The following TNKS variants were observed in gnomAD, a reference collection of about 807,000 sequenced individuals.
TNKS encodes the protein poly [ADP-ribose] polymerase tankyrase-1.
A neutral mutation model predicts 135.8 loss-of-function variants in TNKS; 72 were observed. That is an observed-to-expected ratio of 0.53 (90% CI 0.44 to 0.64). The LOEUF (loss-of-function observed/expected upper bound fraction) is 0.64, where lower values mean the gene tolerates loss of function less well. TNKS is among the 30% of genes least tolerant of loss of function. The pLI is 0.00. For synonymous variants in TNKS, 849 were observed against 649.3 expected, an observed-to-expected ratio of 1.31 and a Z score of -4.68; for missense variants, 1,769 against 1,674.0, an observed-to-expected ratio of 1.06 and a Z score of -0.99.
chr8:9,568,258 A>G (rs147948538), intron 1 of TNKS, among the ~76,000 whole-genome samples: 212 of 152,278 alleles, frequency 1.4e-3, no homozygotes, highest in African/African-American at 4.8e-3. Context: ...TTTGTTTCTC[A>G]GGGATCTGGC....
intron 3 of TNKS, among the ~76,000 whole-genome samples, chr8:9,627,825 C>A (rs1320572073): frequency 6.6e-6 from 1 of 152,158 alleles, no homozygotes; most frequent in African/African-American, 2.4e-5. Flanking sequence ...TTATCCTTGC[C>A]TCAGCCATTT....
At chr8:9,687,139 A>G (rs1803040395) in intron 5 of TNKS, among the ~76,000 whole-genome samples, 1 of 152,150 alleles carries the variant, frequency 6.6e-6, no homozygotes, top group South Asian at 2.1e-4. Flanking sequence ...TATGGCCTAT[A>G]GTGACCTTTA....
chr8:9,624,698 C>G (rs1025341817), intron 3 of TNKS, among the ~76,000 whole-genome samples: 52 of 152,034 alleles, frequency 3.4e-4, no homozygotes, highest in Non-Finnish European at 6.0e-4. Context: ...GTTAGTTTTC[C>G]TTTTATTTTC....
At chr8:9,754,410 G>A (rs193160355) in intron 20 of TNKS, among the ~76,000 whole-genome samples, 4 of 152,078 alleles carry the variant, frequency 2.6e-5, no homozygotes, top group African/African-American at 7.2e-5. Flanking sequence ...GCCCATTATG[G>A]TTCCCTTCTA....
chr8:9,613,463 A>G (rs922408933), intron 2 of TNKS, among the ~76,000 whole-genome samples: 2 of 152,182 alleles, frequency 1.3e-5, no homozygotes, highest in Non-Finnish European at 2.9e-5. Flanking sequence ...CCTTCTCCTA[A>G]AAGTCTTAAC....
intron 14 of TNKS, among the ~76,000 whole-genome samples, chr8:9,731,657 C>T (rs11780399): frequency 0.59 from 88,725 of 151,474 alleles, 26,271 homozygotes; most frequent in Middle Eastern, 0.69. Context: ...GTGGTGCCTT[C>T]CTATATGGTC....
chr8:9,671,254 A>G (rs1397989211), intron 3 of TNKS: 1 of 152,212 alleles, frequency 6.6e-6, no homozygotes, highest in Admixed American at 6.5e-5. Context: ...CTAGATATTT[A>G]CCCAAGAAAA....
At chr8:9,588,425 C>A (rs1266673286) in intron 2 of TNKS, among the ~76,000 whole-genome samples, 1 of 152,100 alleles carries the variant, frequency 6.6e-6, no homozygotes. Flanking sequence ...CAGGCACCCG[C>A]CACCACGCCC....
chr8:9,571,754 G>A lies in TNKS; in HGVS notation c.674-8405G>A, dbSNP rs192467070. 1.7e-4 allele frequency among the ~76,000 whole-genome samples: 26 copies of A among 152,224 alleles called. No homozygotes were observed. The East Asian group carries it at 3.7e-3, about 21-fold the overall frequency. On this transcript the variant is annotated intron_variant, in intron 1 of 26. Coordinates refer to ENST00000310430, the MANE Select transcript of TNKS (RefSeq NM_003747.3). ...GCTGGGATCACAGACGTGAGCCACCGCGCCCGGGGATTCCATGTTGTTGCC... is the reference window on the plus strand; with the variant it reads ...GCTGGGATCACAGACGTGAGCCACCACGCCCGGGGATTCCATGTTGTTGCC...
In TNKS at chr8:9,764,380, T is replaced by C. The variant is rs1217530023; in HGVS notation, c.3373-336T>C. Among the ~76,000 whole-genome samples, 3 of 152,118 alleles carry C rather than the reference T, an allele frequency of 2.0e-5. No homozygotes were observed. In the South Asian group the frequency reaches 6.2e-4, roughly 32 times the overall value. On this transcript the variant is annotated intron_variant, in intron 22 of 26. Transcript: ENST00000310430. ...ATTTTTAGCATTTGTCCAACGGGCA[T>C]TTAAGGAGTTTTTGTTTGACTTAAT...
At chr8:9,768,162 C>A (rs956538479) in intron 25 of TNKS, among the ~76,000 whole-genome samples, 1 of 151,996 alleles carries the variant, frequency 6.6e-6, no homozygotes, top group Non-Finnish European at 1.5e-5. Context: ...AAGTCTTAGC[C>A]AGGATTTCTG....
intron 15 of TNKS, among the ~76,000 whole-genome samples, chr8:9,734,406 A>G (rs185395259): frequency 3.3e-5 from 5 of 152,340 alleles, no homozygotes; most frequent in East Asian, 1.9e-4. Context: ...TCTTAAAAAT[A>G]TTACCAAACT....
intron 5 of TNKS, among the ~76,000 whole-genome samples, chr8:9,704,418 G>A (rs957664289): frequency 6.6e-6 from 1 of 151,974 alleles, no homozygotes; most frequent in African/African-American, 2.4e-5. Context: ...GAATAGGTAG[G>A]GTAAGGTTTG....
intron 11 of TNKS, chr8:9,710,524 A>T: frequency 2.0e-6 from 1 of 499,346 alleles, no homozygotes; most frequent in Non-Finnish European, 3.5e-6. Flanking sequence ...ATATATTTTG[A>T]TAGTGTCCAC....
At chr8:9,647,095 C>T (rs999011770) in intron 3 of TNKS, among the ~76,000 whole-genome samples, 6 of 152,144 alleles carry the variant, frequency 3.9e-5, no homozygotes, top group Non-Finnish European at 2.9e-5. Context: ...CTATTACTGT[C>T]TCCAGAAAAA....
intron 1 of TNKS, among the ~76,000 whole-genome samples, chr8:9,568,240 C>T (rs1797622628): frequency 6.6e-6 from 1 of 152,030 alleles, no homozygotes; most frequent in East Asian, 1.9e-4. Flanking sequence ...TGTGTTTTTC[C>T]CCCTTGGTTT....
chr8:9,648,252 G>GTAA (rs1318550298), intron 3 of TNKS, among the ~76,000 whole-genome samples: 6 of 151,934 alleles, frequency 3.9e-5, no homozygotes, highest in Non-Finnish European at 5.9e-5. Context: ...ATTAACCTTA[G>GTAA]CTTCCTGTAA....
intron 13 of TNKS, among the ~76,000 whole-genome samples, chr8:9,730,144 A>C (rs1213084324): frequency 6.6e-6 from 1 of 152,208 alleles, no homozygotes; most frequent in Non-Finnish European, 1.5e-5. Flanking sequence ...CCAGTGATAC[A>C]GTCTTTCATT....
At chr8:9,761,682 A>C (rs779984830) in intron 21 of TNKS, 46 bp downstream of exon 21, 1 of 1,573,722 alleles carries the variant, frequency 6.4e-7, no homozygotes, top group Non-Finnish European at 8.6e-7. Flanking sequence ...TCAGTGGTAC[A>C]AGGTAAGTAT....
Sources: allele counts gnomAD v4.1 joint callset (sites outside exome capture counted in the v4.1 genomes callset), GRCh38; gene constraint gnomAD v4.1.1; transcripts MANE v1.5; gene names NCBI Gene and HGNC (gene_info 2026-07-23, HGNC 2026-07-21).